The following ATIC variants were observed in gnomAD, a reference collection of about 807,000 sequenced individuals.
The protein encoded by ATIC is 5-aminoimidazole-4-carboxamide ribonucleotide formyltransferase/IMP cyclohydrolase, also known as bifunctional purine biosynthesis protein ATIC.
ATIC carries 64 observed loss-of-function variants against 72.5 expected under a neutral mutation model. The ratio of observed to expected loss-of-function variants is 0.88; its 90% confidence interval spans 0.72 to 1.09. ATIC has a LOEUF of 1.09. Ranked by LOEUF, ATIC falls within the 50% of genes least tolerant of loss-of-function variation. The probability of loss-of-function intolerance (pLI) is 0.00; values close to 1 mark genes in which losing one functional copy is unlikely to be tolerated. For missense variants in ATIC, 787 were observed against 732.4 expected (o/e 1.07, Z -0.86); for synonymous variants, 281 against 267.1 (o/e 1.05, Z -0.51).
At chr2:215,344,221 A>G (rs536861493) in intron 12 of ATIC, among the ~76,000 whole-genome samples, 6 of 152,224 alleles carry the variant, frequency 3.9e-5, no homozygotes, top group African/African-American at 7.2e-5. Context: ...TTAATCCACA[A>G]TTGCTACAAA....
At chr2:215,329,755 G>A (rs1049102946) in intron 7 of ATIC, among the ~76,000 whole-genome samples, 5 of 151,970 alleles carry the variant, frequency 3.3e-5, no homozygotes, top group Non-Finnish European at 5.9e-5. Context: ...GATATTTGAA[G>A]GGGAACCGGA....
intron 7 of ATIC, among the ~76,000 whole-genome samples, chr2:215,329,570 C>T (rs2052867416): frequency 6.6e-6 from 1 of 152,012 alleles, no homozygotes; most frequent in South Asian, 2.1e-4. Flanking sequence ...AAAATTGAAG[C>T]AAGAACAAAG....
At chr2:215,316,530 T>G (rs1490870573) in intron 2 of ATIC, among the ~76,000 whole-genome samples, 1 of 152,196 alleles carries the variant, frequency 6.6e-6, no homozygotes, top group Non-Finnish European at 1.5e-5. Flanking sequence ...TGCCTGTGAA[T>G]AATCACTGTA....
chr2:215,312,074 C>G lies in ATIC; in HGVS notation c.-69C>G. The G allele has an allele frequency of 1.3e-6, 2 of 1,527,346 alleles. No individual in the cohort carries two copies. The highest frequency in any genetic ancestry group is 1.8e-6 in the Non-Finnish European group (2 of 1,142,300). 94.6% of individuals were successfully genotyped at this position (1,527,346 alleles called of 1,614,324 possible). A position where few individuals can be genotyped will look rare whatever the true frequency, so the allele number is the denominator to read the frequency against. Reference sequence around the variant, plus strand: ...TTCCTGAGCCGCCACATCCCGGCAGCCCTCCTACCTGCGCACGTGGTGCCG... The same window carrying G: ...TTCCTGAGCCGCCACATCCCGGCAGGCCTCCTACCTGCGCACGTGGTGCCG... On this transcript the variant is annotated 5_prime_UTR_variant, in exon 1 of 16. Transcript: ENST00000236959.
At chr2:215,361,920 A>G in the ATIC span, 1 of 1,608,046 alleles carries the variant, frequency 6.2e-7, no homozygotes. Context: ...ACCTGTAGAA[A>G]GAGACTGTCT....
At chr2:215,317,629 G>T (rs541251260) in intron 2 of ATIC, among the ~76,000 whole-genome samples, 2 of 152,028 alleles carry the variant, frequency 1.3e-5, no homozygotes, top group African/African-American at 4.8e-5. Flanking sequence ...GGGATTACAG[G>T]TGCCCGCCAT....
At chr2:215,365,042 G>A in the ATIC span, 4 of 1,118,678 alleles carry the variant, frequency 3.6e-6, no homozygotes, top group South Asian at 1.3e-5. Flanking sequence ...CTGCAGACTT[G>A]ATCTAGGGGT....
At chr2:215,348,605 C>T in intron 14 of ATIC, 1 of 391,754 alleles carries the variant, frequency 2.6e-6, no homozygotes, top group South Asian at 1.8e-5. Context: ...GAAAATATTT[C>T]TAAAAGCATC....
At chr2:215,312,740 T>TTA in intron 2 of ATIC, 116 bp downstream of exon 2, 1 of 1,484,948 alleles carries the variant, frequency 6.7e-7, no homozygotes, top group East Asian at 2.4e-5. Flanking sequence ...CGCTGTGAGG[T>TTA]TGGTGTAATA....
chr2:215,332,705 A>G (rs2052909092), intron 8 of ATIC, among the ~76,000 whole-genome samples, 198 bp downstream of exon 8: 1 of 152,212 alleles, frequency 6.6e-6, no homozygotes, highest in African/African-American at 2.4e-5. Context: ...TTGTCAGGAA[A>G]ATGAGGCAGG....
At chr2:215,352,472 C>G (rs1183324737), downstream of ATIC, among the ~76,000 whole-genome samples, 6 of 151,940 alleles carry the variant, frequency 3.9e-5, no homozygotes, top group East Asian at 1.2e-3. Flanking sequence ...ATTCCACCTA[C>G]TTGGGAGGCT....
intron 1 of ATIC, 93 bp downstream of exon 1, chr2:215,312,254 G>T (rs2052660180): frequency 6.9e-7 from 1 of 1,458,380 alleles, no homozygotes; most frequent in Non-Finnish European, 9.0e-7. Flanking sequence ...CGGCACTGCA[G>T]GGGCGGCGCT....
At chr2:215,366,697 A>C in the ATIC span, among the ~76,000 whole-genome samples, 466 of 152,354 alleles carry the variant, frequency 3.1e-3, 5 homozygotes, top group South Asian at 0.013. Flanking sequence ...ACAAAGTAAA[A>C]TAATTAGACA....
rs970045543 is a variant in ATIC at position 215,333,792 on chromosome 2, C to T, written c.922+335C>T. On this transcript the variant is annotated intron_variant, in intron 9 of 15. Coordinates refer to ENST00000236959, the MANE Select transcript of ATIC (RefSeq NM_004044.7). Reference sequence around the variant, plus strand: ...GCGCAATGTCTCACGCCTGTAGTACCAGGACTTTGGGAGGCTGAGGCGGGC... The same window carrying T: ...GCGCAATGTCTCACGCCTGTAGTACTAGGACTTTGGGAGGCTGAGGCGGGC... Among the ~76,000 whole-genome samples the T allele has an allele frequency of 5.3e-5, 8 of 151,944 alleles. No individual in the cohort carries two copies. In the East Asian group the frequency reaches 1.2e-3, roughly 22 times the overall value.
chr2:215,353,482 C>T (rs540976585), downstream of ATIC, among the ~76,000 whole-genome samples: 71 of 152,288 alleles, frequency 4.7e-4, no homozygotes, highest in Non-Finnish European at 9.0e-4. Flanking sequence ...CCTCCAGTTT[C>T]TCCTCTTGTG....
chr2:215,339,030 A>G, intron 12 of ATIC, 123 bp downstream of exon 12: 1 of 1,335,948 alleles, frequency 7.5e-7, no homozygotes, highest in Non-Finnish European at 1.1e-6. Context: ...ACGGCTAGCT[A>G]GCTTATCTTT....
At chr2:215,354,640 G>T (rs1157695263), downstream of ATIC, among the ~76,000 whole-genome samples, 1 of 151,934 alleles carries the variant, frequency 6.6e-6, no homozygotes, top group Non-Finnish European at 1.5e-5. Flanking sequence ...TATCCATTCT[G>T]CTGTGTGTCC....
At chr2:215,356,205 A>G in the ATIC span, among the ~76,000 whole-genome samples, 1 of 152,226 alleles carries the variant, frequency 6.6e-6, no homozygotes, top group African/African-American at 2.4e-5. Flanking sequence ...TACTGTTTCA[A>G]AAAGATGCTG....
intron 4 of ATIC, among the ~76,000 whole-genome samples, chr2:215,323,885 T>C (rs528833358): frequency 4.3e-4 from 65 of 152,302 alleles, no homozygotes; most frequent in African/African-American, 1.4e-3. Context: ...GTGATTATCT[T>C]GCTTCAGCCT....
Sources: gnomAD v4.1 joint callset for allele counts (sites outside exome capture counted in the v4.1 genomes callset) on GRCh38, gnomAD v4.1.1 for gene constraint, MANE v1.5 for transcripts, NCBI Gene and HGNC (gene_info 2026-07-23, HGNC 2026-07-21) for gene names.